The following RBFOX1 variants were observed in gnomAD, a reference collection of about 807,000 sequenced individuals.
RBFOX1 encodes RNA binding protein fox-1 homolog 1.
A neutral mutation model predicts 57.7 loss-of-function variants in RBFOX1; 8 were observed. The observed-to-expected ratio is 0.14, with a 90% CI of 0.08 to 0.25. The LOEUF (loss-of-function observed/expected upper bound fraction) is 0.25, where lower values mean the gene tolerates loss of function less well. Among genes scored for constraint, RBFOX1 ranks in the 10% least tolerant of loss-of-function variants. The pLI is 1.00. For synonymous variants in RBFOX1, 326 were observed against 222.4 expected (o/e 1.47, Z -4.15); for missense variants, 611 against 548.5 (o/e 1.11, Z -1.14).
At position 6,494,019 on chromosome 16, in the gene RBFOX1, C is replaced by G. The variant is rs557859977; in HGVS notation, c.-63-160584C>G. ...GGCGATCATTCCAGTGTATTGAAAA[C>G]TTTCATTCCTCATCTGCATTTAGGC... On this transcript the variant is annotated intron_variant, in intron 2 of 15. Transcript: ENST00000550418. 6.6e-5 allele frequency among the ~76,000 whole-genome samples: 10 copies of G among 152,288 alleles called. No individual in the cohort carries two copies. In the South Asian group the frequency reaches 1.9e-3, roughly 28 times the overall value.
intron 3 of RBFOX1, among the ~76,000 whole-genome samples, chr16:7,000,596 C>CTTTTTTTTTTTTTTTT (rs759103545): frequency 3.3e-4 from 31 of 92,596 alleles, no homozygotes; most frequent in South Asian, 8.6e-4. Context: ...CTTTTTCTTT[C>CTTTTTTTTTTTTTTTT]TTTTTTTTTT....
intron 4 of RBFOX1, among the ~76,000 whole-genome samples, chr16:7,107,127 G>A (rs565413181): frequency 6.6e-6 from 1 of 152,266 alleles, no homozygotes; most frequent in Non-Finnish European, 1.5e-5. Flanking sequence ...TATGCAAAGA[G>A]TCAGAATGCA....
At position 7,579,709 on chromosome 16, in the gene RBFOX1, C is replaced by G. The variant is rs905616254; in HGVS notation, c.271-68C>G. 12 of 1,585,282 alleles carry G rather than the reference C, an allele frequency of 7.6e-6. No individual in the cohort carries two copies. The Admixed American group carries it at 1.9e-4, about 25-fold the overall frequency. ...ATCTTTTCCTGCCACTCATGGCAAG[C>G]AAAAGAGCATCGGAAGAGAGCACTG... On this transcript the variant is annotated intron_variant, in intron 5 of 15. Transcript: ENST00000550418.
chr16:7,041,521 G>A lies in RBFOX1; in HGVS notation c.-15-10536G>A, dbSNP rs564713772. 4.6e-5 allele frequency among the ~76,000 whole-genome samples: 7 copies of A among 152,108 alleles called. No individual in the cohort carries two copies. In the South Asian group the frequency reaches 1.0e-3, roughly 23 times the overall value. ...AAGCGCTGTCCTTACTTCCTCATTCGCCGTTGCACTCTGGTAAAGTGATTC... is the reference window on the plus strand; with the variant it reads ...AAGCGCTGTCCTTACTTCCTCATTCACCGTTGCACTCTGGTAAAGTGATTC... On this transcript the variant is annotated intron_variant, in intron 3 of 15. Coordinates refer to ENST00000550418, the MANE Select transcript of RBFOX1 (RefSeq NM_018723.4).
chr16:7,593,515 C>T (rs2152934726), intron 7 of RBFOX1, among the ~76,000 whole-genome samples: 1 of 152,304 alleles, frequency 6.6e-6, no homozygotes, highest in Non-Finnish European at 1.5e-5. Context: ...TCAGATAATT[C>T]AGGCTTATCC....
rs764522908 is a variant in RBFOX1 at position 7,518,138 on chromosome 16, A to AT, written c.28-4dup. Reference sequence around the variant, plus strand: ...TTCTCTCCCTCTCTGCACCTTTTTGATTTTTCAGGGTAATCAGGAAGCAGC... The same window carrying AT: ...TTCTCTCCCTCTCTGCACCTTTTTGATTTTTTCAGGGTAATCAGGAAGCAGC... On this transcript the variant is annotated splice_polypyrimidine_tract_variant and intron_variant, in intron 4 of 15. Transcript: ENST00000550418. 2 of 1,602,024 alleles carry AT rather than the reference A, an allele frequency of 1.2e-6. No individual in the cohort carries two copies. Among genetic ancestry groups the AT allele is most frequent in the South Asian group, 2.2e-5 (2 of 89,146 alleles).
At chr16:6,812,454 A>C (rs1026981694) in intron 3 of RBFOX1, among the ~76,000 whole-genome samples, 1 of 151,908 alleles carries the variant, frequency 6.6e-6, no homozygotes, top group Non-Finnish European at 1.5e-5. Flanking sequence ...GCTCATTGCA[A>C]CCTCCACCTC....
chr16:5,899,851 A>T (rs1370023350), intron 4 of RBFOX1, among the ~76,000 whole-genome samples: 1 of 152,176 alleles, frequency 6.6e-6, no homozygotes, highest in Non-Finnish European at 1.5e-5. Context: ...AGGCAGGTGG[A>T]TCACGTGAGC....
chr16:5,793,501 A>G (rs2054773324), intron 3 of RBFOX1, among the ~76,000 whole-genome samples: 1 of 152,234 alleles, frequency 6.6e-6, no homozygotes, highest in African/African-American at 2.4e-5. Flanking sequence ...CACTGGCCAG[A>G]GTCCTGAATC....
At chr16:7,259,231 A>G (rs774077063) in intron 4 of RBFOX1, among the ~76,000 whole-genome samples, 3 of 152,168 alleles carry the variant, frequency 2.0e-5, no homozygotes, top group Non-Finnish European at 2.9e-5. Context: ...GATGCTATAC[A>G]ATTAAACTGA....
At chr16:7,080,547 T>G (rs114220703) in intron 4 of RBFOX1, among the ~76,000 whole-genome samples, 1,526 of 152,270 alleles carry the variant, frequency 0.01, 30 homozygotes, top group African/African-American at 0.035. Flanking sequence ...CTGTAGTCAC[T>G]TAAGCTCTCT....
chr16:5,564,218 G>A (rs946985277), intron 2 of RBFOX1, among the ~76,000 whole-genome samples: 2 of 151,738 alleles, frequency 1.3e-5, no homozygotes, highest in African/African-American at 4.8e-5. Flanking sequence ...GGGTTTCACT[G>A]TGTTGGCCAG....
chr16:5,485,452 A>G (rs2069700355), intron 2 of RBFOX1, among the ~76,000 whole-genome samples: 1 of 151,642 alleles, frequency 6.6e-6, no homozygotes, highest in Non-Finnish European at 1.5e-5. Flanking sequence ...GTACCATTTT[A>G]GAGTTTACCT....
At chr16:6,930,420 T>C (rs2076312733) in intron 3 of RBFOX1, among the ~76,000 whole-genome samples, 1 of 152,136 alleles carries the variant, frequency 6.6e-6, no homozygotes, top group Non-Finnish European at 1.5e-5. Flanking sequence ...GTTATTGTTG[T>C]TATTGTTGAG....
At chr16:6,739,433 G>A (rs1347076555) in intron 3 of RBFOX1, among the ~76,000 whole-genome samples, 1 of 152,054 alleles carries the variant, frequency 6.6e-6, no homozygotes, top group Non-Finnish European at 1.5e-5. Flanking sequence ...TAATTTGAAT[G>A]ACCCTATAAC....
At chr16:7,256,409 T>C (rs1222475125) in intron 4 of RBFOX1, among the ~76,000 whole-genome samples, 3 of 152,224 alleles carry the variant, frequency 2.0e-5, no homozygotes, top group African/African-American at 7.2e-5. Context: ...AAGGCGGCTG[T>C]CATGGGAGAA....
chr16:5,315,159 T>G (rs2151232226), intron 1 of RBFOX1, among the ~76,000 whole-genome samples: 1 of 152,208 alleles, frequency 6.6e-6, no homozygotes. Context: ...ACGTTGTTGG[T>G]GGAGTCTGTG....
intron 4 of RBFOX1, among the ~76,000 whole-genome samples, chr16:7,438,144 T>C (rs983569157): frequency 6.6e-6 from 1 of 152,146 alleles, no homozygotes; most frequent in Non-Finnish European, 1.5e-5. Context: ...GGTGGGAATT[T>C]AAAAAAGAAA....
chr16:6,215,864 C>G (rs60048290), intron 1 of RBFOX1, among the ~76,000 whole-genome samples: 41,052 of 152,090 alleles, frequency 0.27, 6,909 homozygotes, highest in East Asian at 0.47. Flanking sequence ...TGAATCAACT[C>G]GCCACATGCC....
Sources: allele counts gnomAD v4.1 joint callset (sites outside exome capture counted in the v4.1 genomes callset), GRCh38; gene constraint gnomAD v4.1.1; transcripts MANE v1.5; gene names NCBI Gene and HGNC (gene_info 2026-07-23, HGNC 2026-07-21).